ACBD6: variants seen among roughly 807,000 people sequenced by gnomAD.
The protein encoded by ACBD6 is acyl-CoA-binding domain-containing protein 6.
In ACBD6, 28 loss-of-function variants were observed where a neutral mutation model predicts 37.2. That is an observed-to-expected ratio of 0.75 (90% CI 0.56 to 1.03). The LOEUF is 1.03. ACBD6 is among the 50% of genes least tolerant of loss of function. The probability of loss-of-function intolerance (pLI) is 0.00; values close to 1 mark genes in which losing one functional copy is unlikely to be tolerated. For synonymous variants in ACBD6, 113 were observed against 126.8 expected, an observed-to-expected ratio of 0.89 and a Z score of 0.73; for missense variants, 340 against 337.4, an observed-to-expected ratio of 1.01 and a Z score of -0.06.
chr1:180,410,422 C>T (rs1647807077), intron 5 of ACBD6, among the ~76,000 whole-genome samples: 1 of 152,148 alleles, frequency 6.6e-6, no homozygotes, highest in South Asian at 2.1e-4. Context: ...CAATACCTGG[C>T]CTCAAAGCTT....
chr1:180,480,382 G>A (rs796094256), intron 3 of ACBD6, among the ~76,000 whole-genome samples: 1 of 152,128 alleles, frequency 6.6e-6, no homozygotes, highest in African/African-American at 2.4e-5. Flanking sequence ...AGTGACACTT[G>A]GTAACTAATT....
intron 6 of ACBD6, among the ~76,000 whole-genome samples, chr1:180,316,798 G>A (rs1650831863): frequency 6.6e-6 from 1 of 152,238 alleles, no homozygotes; most frequent in East Asian, 1.9e-4. Flanking sequence ...TGAGACAGAG[G>A]TCTCTAATGT....
chr1:180,396,503 G>A (rs954902241), intron 6 of ACBD6, among the ~76,000 whole-genome samples: 1 of 151,982 alleles, frequency 6.6e-6, no homozygotes, highest in Non-Finnish European at 1.5e-5. Flanking sequence ...AGAAAATAAA[G>A]AGAAAACCCA....
At chr1:180,482,458 G>A (rs1651090332) in intron 3 of ACBD6, among the ~76,000 whole-genome samples, 2 of 151,046 alleles carry the variant, frequency 1.3e-5, no homozygotes, top group Admixed American at 6.6e-5. Flanking sequence ...GAGAAATGAA[G>A]TTAATAATAA....
chr1:180,487,679 A>C (rs1043103944), intron 3 of ACBD6, among the ~76,000 whole-genome samples: 3 of 152,140 alleles, frequency 2.0e-5, no homozygotes, highest in Non-Finnish European at 4.4e-5. Context: ...AAAAGGTAAA[A>C]GTTCTCAACT....
intron 6 of ACBD6, among the ~76,000 whole-genome samples, chr1:180,319,685 C>T (rs12089448): frequency 0.067 from 10,152 of 152,196 alleles, 845 homozygotes; most frequent in East Asian, 0.29. Context: ...TGGTCACCAT[C>T]CTCCTACTCT....
intron 5 of ACBD6, among the ~76,000 whole-genome samples, chr1:180,404,521 G>A (rs1201413987): frequency 6.6e-6 from 1 of 151,960 alleles, no homozygotes; most frequent in Non-Finnish European, 1.5e-5. Context: ...CCAGTGGCAC[G>A]ATCTCAGCTC....
chr1:180,279,487 G>A (rs947819243), intron 9 of ACBD6, among the ~76,000 whole-genome samples: 1 of 152,058 alleles, frequency 6.6e-6, no homozygotes, highest in Non-Finnish European at 1.5e-5. Flanking sequence ...TAGTAGAGAC[G>A]GGGTTTTGCC....
At chr1:180,348,345 G>T (rs1270507180) in intron 6 of ACBD6, among the ~76,000 whole-genome samples, 1 of 152,176 alleles carries the variant, frequency 6.6e-6, no homozygotes, top group Non-Finnish European at 1.5e-5. Context: ...GTGAGTTTCA[G>T]TCTTGGCACT....
intron 6 of ACBD6, among the ~76,000 whole-genome samples, chr1:180,387,103 A>G (rs559671294): frequency 6.6e-6 from 1 of 152,312 alleles, no homozygotes; most frequent in African/African-American, 2.4e-5. Flanking sequence ...TTTCATTTTC[A>G]GAGCCCTTAC....
intron 5 of ACBD6, among the ~76,000 whole-genome samples, chr1:180,412,282 G>A (rs144556719): frequency 2.0e-5 from 3 of 152,204 alleles, no homozygotes; most frequent in Admixed American, 1.3e-4. Flanking sequence ...TATTATCACA[G>A]GAAAGATGTT....
At chr1:180,435,318 A>G (rs6684842) in intron 3 of ACBD6, 449,512 of 464,348 alleles carry the variant, frequency 0.97, 217,680 homozygotes, top group African/African-American at 0.99. Flanking sequence ...GCAGGATCTC[A>G]GCTCACTGCA....
At chr1:180,439,796 G>C (rs980066421) in intron 3 of ACBD6, among the ~76,000 whole-genome samples, 3 of 152,184 alleles carry the variant, frequency 2.0e-5, no homozygotes, top group Admixed American at 6.5e-5. Flanking sequence ...GATGGATCTA[G>C]AACAGTCTTT....
chr1:180,321,273 G>C (rs764769266), intron 6 of ACBD6, among the ~76,000 whole-genome samples: 20 of 152,166 alleles, frequency 1.3e-4, no homozygotes, highest in Admixed American at 2.6e-4. Flanking sequence ...TGGCTATACT[G>C]GGTCTTTTGT....
At chr1:180,388,733 G>C (rs1653948913) in intron 6 of ACBD6, among the ~76,000 whole-genome samples, 2 of 151,920 alleles carry the variant, frequency 1.3e-5, no homozygotes, top group African/African-American at 4.8e-5. Flanking sequence ...GACCCATCAT[G>C]CCTGGCCAAA....
At chr1:180,479,301 A>G (rs747684590) in intron 3 of ACBD6, among the ~76,000 whole-genome samples, 3 of 152,230 alleles carry the variant, frequency 2.0e-5, no homozygotes, top group African/African-American at 2.4e-5. Context: ...ACACAATGAA[A>G]TATTACGCAG....
chr1:180,392,868 T>C (rs58677059), intron 6 of ACBD6, among the ~76,000 whole-genome samples: 24,034 of 150,816 alleles, frequency 0.16, 1,961 homozygotes, highest in Middle Eastern at 0.23. Flanking sequence ...TTATATGTCA[T>C]AAAGCCTTTA....
chr1:180,336,942 C>G (rs1651745948), intron 6 of ACBD6, among the ~76,000 whole-genome samples: 1 of 152,140 alleles, frequency 6.6e-6, no homozygotes. Context: ...TACACCCTCC[C>G]AAGACTAAAC....
At chr1:180,331,046 A>C (rs937021858) in intron 6 of ACBD6, among the ~76,000 whole-genome samples, 1 of 152,202 alleles carries the variant, frequency 6.6e-6, no homozygotes, top group Non-Finnish European at 1.5e-5. Flanking sequence ...TCTTCTCTCC[A>C]GGAGATATAA....
Sources: gnomAD v4.1 joint callset for allele counts (sites outside exome capture counted in the v4.1 genomes callset) on GRCh38, gnomAD v4.1.1 for gene constraint, MANE v1.5 for transcripts, NCBI Gene and HGNC (gene_info 2026-07-23, HGNC 2026-07-21) for gene names.